Variants in FGF14 observed in about 807,000 individuals in gnomAD.
The protein encoded by FGF14 is fibroblast growth factor 14, also known as fibroblast growth factor homologous factor 4.
In FGF14, 5 loss-of-function variants were observed where a neutral mutation model predicts 25.5. The ratio of observed to expected loss-of-function variants is 0.20; its 90% confidence interval spans 0.10 to 0.41. The LOEUF is 0.41. Among genes scored for constraint, FGF14 ranks in the 10% least tolerant of loss-of-function variants. The pLI, the probability that FGF14 is intolerant of heterozygous loss-of-function variation, is 1.00. For missense variants in FGF14, 222 were observed against 320.1 expected (o/e 0.69, Z 2.34); for synonymous variants, 138 against 118.3 (o/e 1.17, Z -1.08).
chr13:101,818,321 C>A (rs1022778356), intron 3 of FGF14, among the ~76,000 whole-genome samples: 1 of 152,218 alleles, frequency 6.6e-6, no homozygotes, highest in Non-Finnish European at 1.5e-5. Flanking sequence ...CCATACTATA[C>A]ATTTTGCTAT....
chr13:102,312,736 T>A (rs2055835737), intron 1 of FGF14, among the ~76,000 whole-genome samples: 1 of 152,186 alleles, frequency 6.6e-6, no homozygotes, highest in Non-Finnish European at 1.5e-5. Context: ...TTTGTTTTGT[T>A]TTTCAGGGCA....
chr13:101,826,257 C>T lies in FGF14; in HGVS notation c.408+42468G>A, dbSNP rs9585787. ...ATTTAAATACCATTTCACTAACCTCCCCCCGTCCCCGATACACAGAAACAC... is the reference window on the plus strand; with the variant it reads ...ATTTAAATACCATTTCACTAACCTCTCCCCGTCCCCGATACACAGAAACAC... On this transcript the variant is annotated intron_variant, in intron 3 of 4. Coordinates refer to ENST00000376143, the MANE Select transcript of FGF14 (RefSeq NM_004115.4). Among the ~76,000 whole-genome samples the T allele has an allele frequency of 8.3e-3, 1,258 of 152,066 alleles. 15 individuals carry two copies. The highest frequency in any genetic ancestry group is 0.029 in the African/African-American group (1,209 of 41,500).
intron 1 of FGF14, among the ~76,000 whole-genome samples, chr13:102,056,882 T>C (rs2042454774): frequency 6.6e-6 from 1 of 150,718 alleles, no homozygotes; most frequent in Non-Finnish European, 1.5e-5. Flanking sequence ...CTCCCTTTTA[T>C]TGCAATAGGT....
At chr13:101,943,817 A>C (rs2035607632) in intron 1 of FGF14, among the ~76,000 whole-genome samples, 1 of 109,024 alleles carries the variant, frequency 9.2e-6, no homozygotes, top group African/African-American at 3.4e-5. Context: ...CTACTTAAAA[A>C]AAAAAAAAAA....
chr13:101,955,817 G>A (rs764003629), intron 1 of FGF14, among the ~76,000 whole-genome samples: 8 of 152,212 alleles, frequency 5.3e-5, no homozygotes. Context: ...GCAGTTCCAT[G>A]GATAATCCAA....
At chr13:102,357,123 G>GTT (rs5806298) in intron 1 of FGF14, among the ~76,000 whole-genome samples, 13,470 of 144,616 alleles carry the variant, frequency 0.093, 1,927 homozygotes, top group African/African-American at 0.3. Context: ...CCATTATAAT[G>GTT]TTTTTTTTTT....
In FGF14 at chr13:102,072,514, A is replaced by G. The variant is rs532380470; in HGVS notation, c.209-197218T>C. Among the ~76,000 whole-genome samples the G allele has an allele frequency of 1.4e-4, 22 of 152,312 alleles. No homozygotes were observed. In the South Asian group the frequency reaches 4.1e-3, roughly 29 times the overall value. ...TAGAAATCATTTAATACAGGGCCCTACAAGTTCTTAACAAATTTAATGATA... is the reference window on the plus strand; with the variant it reads ...TAGAAATCATTTAATACAGGGCCCTGCAAGTTCTTAACAAATTTAATGATA... On this transcript the variant is annotated intron_variant, in intron 1 of 4. Coordinates refer to the FGF14 transcript ENST00000376131.
At chr13:102,360,333 T>C (rs2057531672) in intron 1 of FGF14, among the ~76,000 whole-genome samples, 1 of 152,130 alleles carries the variant, frequency 6.6e-6, no homozygotes, top group Non-Finnish European at 1.5e-5. Flanking sequence ...ACAAAATAAT[T>C]AAATTACTTG....
chr13:101,785,611 CTATT>C (rs1366087258), intron 3 of FGF14, among the ~76,000 whole-genome samples: 1 of 152,006 alleles, frequency 6.6e-6, no homozygotes, highest in African/African-American at 2.4e-5. Context: ...ACCTATCTAT[CTATT>C]TATCTATTAA....
chr13:102,085,313 T>G (rs7330977), intron 1 of FGF14, among the ~76,000 whole-genome samples: 67,983 of 151,980 alleles, frequency 0.45, 15,746 homozygotes, highest in African/African-American at 0.58. Flanking sequence ...CCAGGCATTG[T>G]ACTTAATCCA....
chr13:102,328,340 G>A (rs188705117), intron 1 of FGF14, among the ~76,000 whole-genome samples: 1 of 152,354 alleles, frequency 6.6e-6, no homozygotes, highest in East Asian at 1.9e-4. Flanking sequence ...TTCTTTGCAA[G>A]TGGCTATAAA....
At chr13:101,783,194 G>A (rs575883430) in intron 3 of FGF14, among the ~76,000 whole-genome samples, 160 of 151,994 alleles carry the variant, frequency 1.1e-3, no homozygotes, top group Non-Finnish European at 1.8e-3. Context: ...AGTGTTGGCC[G>A]GGCGCGGTGG....
chr13:101,852,819 T>C (rs1371236437), intron 3 of FGF14, among the ~76,000 whole-genome samples: 9 of 152,130 alleles, frequency 5.9e-5, no homozygotes, highest in Admixed American at 3.9e-4. Flanking sequence ...TGGATAATAA[T>C]TGAAATATTT....
chr13:102,021,120 C>T (rs1455725369), intron 1 of FGF14, among the ~76,000 whole-genome samples: 3 of 151,586 alleles, frequency 2.0e-5, no homozygotes, highest in Admixed American at 2.0e-4. Flanking sequence ...GATAAGGGCG[C>T]CAAAGAACAG....
At chr13:101,732,421 T>C (rs1246875020) in intron 3 of FGF14, among the ~76,000 whole-genome samples, 2 of 152,066 alleles carry the variant, frequency 1.3e-5, no homozygotes, top group East Asian at 3.9e-4. Flanking sequence ...AAGTAGCAAA[T>C]AGCACATAAT....
chr13:102,401,659 AG>A lies in FGF14; in HGVS notation c.19del (p.Leu7SerfsTer70). ...TAATTTGAAATCAGTTCTCCTGAAG[AG>A]GGGCACCGGTTTTACCATAGGAAAA... On this transcript the variant is annotated frameshift_variant, in exon 1 of 5. Transcript: ENST00000376131. LOFTEE classifies it high-confidence loss of function. The A allele has an allele frequency of 6.2e-7, 1 of 1,614,082 alleles. No homozygotes were observed. Among genetic ancestry groups the A allele is most frequent in the Non-Finnish European group, 8.5e-7 (1 of 1,179,960 alleles).
intron 1 of FGF14, among the ~76,000 whole-genome samples, chr13:102,017,438 C>T (rs1393514074): frequency 6.6e-6 from 1 of 152,134 alleles, no homozygotes; most frequent in East Asian, 1.9e-4. Flanking sequence ...GATATTGCTC[C>T]ATTTACTGCT....
At chr13:102,391,363 C>A (rs750585494) in intron 1 of FGF14, among the ~76,000 whole-genome samples, 9 of 152,078 alleles carry the variant, frequency 5.9e-5, no homozygotes, top group Non-Finnish European at 8.8e-5. Context: ...TTAGTATCCC[C>A]CATACAGAGT....
chr13:101,919,656 T>C (rs1255471760), upstream of FGF14, among the ~76,000 whole-genome samples: 6 of 151,578 alleles, frequency 4.0e-5, no homozygotes, highest in African/African-American at 1.2e-4. Flanking sequence ...CAGCCCTACC[T>C]CTCCCAGCAG....
Sources: gnomAD v4.1 joint callset for allele counts (sites outside exome capture counted in the v4.1 genomes callset) on GRCh38, gnomAD v4.1.1 for gene constraint, MANE v1.5 for transcripts, NCBI Gene and HGNC (gene_info 2026-07-23, HGNC 2026-07-21) for gene names.